ARID3C: variants seen among roughly 807,000 people sequenced by gnomAD.
ARID3C encodes AT-rich interactive domain-containing protein 3C.
ARID3C carries 42 observed loss-of-function variants against 37.9 expected under a neutral mutation model. That is an observed-to-expected ratio of 1.11 (90% confidence interval 0.87 to 1.43). ARID3C has a LOEUF of 1.43. Ranked by LOEUF, ARID3C falls within the 40% of genes most tolerant of loss-of-function variation. The probability of loss-of-function intolerance (pLI) is 0.00; values close to 1 mark genes in which losing one functional copy is unlikely to be tolerated. For synonymous variants in ARID3C, 213 were observed against 228.0 expected (o/e 0.93, Z 0.59); for missense variants, 581 against 548.8 (o/e 1.06, Z -0.59).
chr9:34,622,403 G>A lies in ARID3C; in HGVS notation c.992C>T (p.Pro331Leu), dbSNP rs899524374. Residue 331 changes from proline (P) to leucine (L), a missense_variant, in exon 5 of 7, where the codon CCA becomes CTA. Coordinates refer to ENST00000378909, the Ensembl canonical transcript of ARID3C. ...ACTGGGGGGCATGCAAGGTCGAGGTGGGTCCATAGGCCCCATCAGCACAGC... is the reference window on the plus strand; with the variant it reads ...ACTGGGGGGCATGCAAGGTCGAGGTAGGTCCATAGGCCCCATCAGCACAGC... 1.9e-6 allele frequency: 3 copies of A among 1,613,938 alleles called. No homozygotes were observed. The Admixed American group carries it at 5.0e-5, about 27-fold the overall frequency.
In ARID3C at chr9:34,623,425, C is replaced by A; in HGVS notation, c.865G>T (p.Glu289Ter). The change falls in exon 4 of 7, where the codon GAG becomes TAG. Residue 289 changes from glutamate to a stop codon, truncating the protein, a stop_gained and splice_region_variant. Transcript: ENST00000378909. LOFTEE classifies it high-confidence loss of function. ...AACCTCTACCATTCTCCCCTCGCAC[C>A]TTTCTTAATAGGGCTTGGACTCAGC... The A allele has an allele frequency of 6.7e-7, 1 of 1,494,976 alleles. No individual in the cohort carries two copies. The highest frequency in any genetic ancestry group is 1.4e-5 in the South Asian group (1 of 71,550). 92.6% of individuals were successfully genotyped at this position (1,494,976 alleles called of 1,614,324 possible). A position where few individuals can be genotyped will look rare whatever the true frequency, so the allele number is the denominator to read the frequency against.
chr9:34,624,103 TCCCCAGGGACTGATACAGGACGGGAG>T, intron 2 of ARID3C, 56 bp from the exon 4 acceptor site: 1 of 1,509,052 alleles, frequency 6.6e-7, no homozygotes, highest in Non-Finnish European at 8.9e-7. Flanking sequence ...GTCTGCAGCA[TCCCCAGGGACTGATACAGGACGGGAG>T]CCCCGGGGAG....
exon 6 of ARID3C, chr9:34,622,090 A>G (rs1340203157): frequency 1.5e-5 from 24 of 1,613,976 alleles, no homozygotes; most frequent in Non-Finnish European, 2.0e-5. Context: ...CCAGATTAAG[A>G]GGCCCATCCA....
intron 1 of ARID3C, 33 bp downstream of exon 2, chr9:34,627,664 A>G: frequency 1.3e-6 from 2 of 1,547,224 alleles, no homozygotes; most frequent in Non-Finnish European, 1.7e-6. Flanking sequence ...AGAGATAGGG[A>G]AGAGGGCCGG....
At chr9:34,621,630 G>T in intron 6 of ARID3C, 72 bp from the exon 8 acceptor site, 1 of 1,109,674 alleles carries the variant, frequency 9.0e-7, no homozygotes, top group Non-Finnish European at 1.3e-6. Context: ...AACAGAAGAG[G>T]GGAACAAAAG....
chr9:34,625,693 CTGG>C (rs748212287), intron 2 of ARID3C, 46 bp downstream of exon 3: 1 of 1,609,564 alleles, frequency 6.2e-7, no homozygotes, highest in Admixed American at 1.7e-5. Flanking sequence ...TTCCTCAAAC[CTGG>C]TAAGGGGGCA....
At chr9:34,621,450 A>G in exon 7 of ARID3C, 1 of 1,502,170 alleles carries the variant, frequency 6.7e-7, no homozygotes, top group Non-Finnish European at 8.8e-7. Context: ...AGTTTCAAGT[A>G]GGACCTCTCA....
chr9:34,624,563 G>A (rs1449857360), intron 2 of ARID3C, among the ~76,000 whole-genome samples: 1 of 152,190 alleles, frequency 6.6e-6, no homozygotes, highest in African/African-American at 2.4e-5. Context: ...AGCAGCCCCC[G>A]GGTGGCTGCC....
At chr9:34,623,757 C>T in intron 3 of ARID3C, 43 bp from the exon 5 acceptor site, 1 of 1,502,526 alleles carries the variant, frequency 6.7e-7, no homozygotes, top group Non-Finnish European at 8.9e-7. Flanking sequence ...GAGGCTGCAC[C>T]CAGCTGGTCA....
rs568965132 is a variant in ARID3C at position 34,625,063 on chromosome 9, G to T, written c.391+679C>A. 2.0e-5 allele frequency among the ~76,000 whole-genome samples: 3 copies of T among 152,184 alleles called. No individual in the cohort carries two copies. The South Asian group carries it at 6.2e-4, about 32-fold the overall frequency. ...GTGGGCCAGCAGCTGCACTAAAGGC[G>T]GTGGGGGGGCGGGGGGTAACAGGGC... is the stretch of plus-strand genomic sequence containing the variant. On this transcript the variant is annotated intron_variant, in intron 2 of 6. Transcript: ENST00000378909.
At chr9:34,625,074 G>A (rs986864418) in intron 2 of ARID3C, among the ~76,000 whole-genome samples, 21 of 151,930 alleles carry the variant, frequency 1.4e-4, no homozygotes, top group Non-Finnish European at 5.9e-5. Flanking sequence ...GTGGGGGGGC[G>A]GGGGGTAACA....
In ARID3C at chr9:34,623,458, A is replaced by C. The variant is rs775677901; in HGVS notation, c.832T>G (p.Cys278Gly). Residue 278 changes from cysteine to glycine, a missense_variant, in exon 4 of 7, where the codon TGC (cysteine) becomes GGC (glycine). Transcript: ENST00000378909. The stretch of plus-strand genomic sequence containing the variant: ...ATAGGGCTTGGACTCAGCTGAGCGC[A>C]TGCATGCGCTGGCAGGCCGGAGGTG... The C allele has an allele frequency of 2.8e-5, 43 of 1,535,088 alleles. No individual in the cohort carries two copies. The highest frequency in any genetic ancestry group is 3.5e-5 in the Non-Finnish European group (40 of 1,145,264).
At chr9:34,621,935 T>C (rs1044610026) in intron 6 of ARID3C, 85 bp downstream of exon 7, 4 of 1,340,934 alleles carry the variant, frequency 3.0e-6, no homozygotes, top group Non-Finnish European at 4.3e-6. Flanking sequence ...CTGAACTTCA[T>C]GCTAGTAGAG....
At chr9:34,631,574 T>A (rs1264886935), upstream of ARID3C, among the ~76,000 whole-genome samples, 1 of 151,692 alleles carries the variant, frequency 6.6e-6, no homozygotes, top group African/African-American at 2.4e-5. Context: ...GTCCTTATTA[T>A]AATGGTACAA....
chr9:34,621,945 G>T, intron 6 of ARID3C, 75 bp downstream of exon 7: 1 of 1,402,826 alleles, frequency 7.1e-7, no homozygotes, highest in Non-Finnish European at 1.0e-6. Flanking sequence ...TGCTAGTAGA[G>T]GAAGTCTAAA....
At chr9:34,625,086 G>C (rs1289627865) in intron 2 of ARID3C, among the ~76,000 whole-genome samples, 1 of 152,102 alleles carries the variant, frequency 6.6e-6, no homozygotes, top group African/African-American at 2.4e-5. Flanking sequence ...GGGGTAACAG[G>C]GCAGCCAGTT....
upstream of ARID3C, among the ~76,000 whole-genome samples, chr9:34,631,711 A>C (rs537117040): frequency 3.2e-4 from 49 of 152,214 alleles, no homozygotes; most frequent in Non-Finnish European, 5.6e-4. Flanking sequence ...ATCACCCCAT[A>C]ATTTAGCAGC....
exon 7 of ARID3C, chr9:34,621,437 C>G: frequency 6.8e-7 from 1 of 1,474,934 alleles, no homozygotes; most frequent in Non-Finnish European, 9.0e-7. Flanking sequence ...GGCTGGGACT[C>G]TTAGTTTCAA....
exon 3 of ARID3C, chr9:34,624,009 C>G (rs781355051): frequency 6.2e-7 from 1 of 1,600,016 alleles, no homozygotes; most frequent in Non-Finnish European, 8.5e-7. Flanking sequence ...AGGTCGAGCA[C>G]CTGCTTCGCC....
Sources: gnomAD v4.1 joint callset for allele counts (sites outside exome capture counted in the v4.1 genomes callset) on GRCh38, gnomAD v4.1.1 for gene constraint, MANE v1.5 for transcripts, NCBI Gene and HGNC (gene_info 2026-07-23, HGNC 2026-07-21) for gene names.